The following ACADSB variants were observed in gnomAD, a reference collection of about 807,000 sequenced individuals.
The protein encoded by ACADSB is short/branched chain specific acyl-CoA dehydrogenase, mitochondrial.
In ACADSB, 40 loss-of-function variants were observed where a neutral mutation model predicts 54.1. The ratio of observed to expected loss-of-function variants is 0.74; its 90% CI spans 0.57 to 0.96. The LOEUF (loss-of-function observed/expected upper bound fraction) is 0.96. ACADSB is among the 40% of genes least tolerant of loss of function. The pLI is 0.00. For synonymous variants in ACADSB, 182 were observed against 182.8 expected (o/e 1.00, Z 0.03); for missense variants, 530 against 510.4 (o/e 1.04, Z -0.37).
intron 1 of ACADSB, among the ~76,000 whole-genome samples, chr10:123,032,259 G>A (rs536191626): frequency 1.3e-5 from 2 of 152,160 alleles, no homozygotes; most frequent in South Asian, 4.2e-4. Flanking sequence ...GACTACAGGT[G>A]TGAGCCACTG....
intron 5 of ACADSB, 47 bp from the exon 6 acceptor site, chr10:123,042,999 C>G (rs775353698): frequency 1.9e-6 from 3 of 1,601,714 alleles, no homozygotes; most frequent in African/African-American, 1.3e-5. Context: ...AGAAACAAGG[C>G]GTTTTATAAA....
intron 1 of ACADSB, 64 bp from the exon 2 acceptor site, chr10:123,034,292 A>G (rs1449429304): frequency 7.8e-6 from 12 of 1,541,974 alleles, no homozygotes; most frequent in Non-Finnish European, 1.1e-5. Context: ...AATGGGTTAT[A>G]AAGTCATTCC....
At position 123,028,323 on chromosome 10, in the gene ACADSB, T is replaced by C. The variant is rs1478189652; in HGVS notation, c.43-6033T>C. Among the ~76,000 whole-genome samples, 3 of 152,324 alleles carry C rather than the reference T, an allele frequency of 2.0e-5. No homozygotes were observed. The East Asian group carries it at 5.8e-4, about 29-fold the overall frequency. On this transcript the variant is annotated intron_variant, in intron 1 of 10. Coordinates refer to ENST00000358776, the MANE Select transcript of ACADSB (RefSeq NM_001609.4). ...ATTGTTCTGTGTCATACTAAACACA[T>C]TATCTAAAACCTACTCCTAGCTTTT... is the stretch of plus-strand genomic sequence containing the variant.
chr10:123,031,224 G>A (rs1353481311), intron 1 of ACADSB, among the ~76,000 whole-genome samples: 1 of 152,190 alleles, frequency 6.6e-6, no homozygotes, highest in African/African-American at 2.4e-5. Context: ...CTGTATTTTA[G>A]TTAGAGGTTA....
At chr10:123,038,520 T>C (rs1012289693) in intron 3 of ACADSB, among the ~76,000 whole-genome samples, 4 of 152,198 alleles carry the variant, frequency 2.6e-5, no homozygotes, top group Admixed American at 2.0e-4. Context: ...TAGGGGCTTC[T>C]AGAAGAACAT....
intron 7 of ACADSB, among the ~76,000 whole-genome samples, chr10:123,045,004 T>A (rs944330483): frequency 4.7e-5 from 7 of 150,086 alleles, no homozygotes; most frequent in Non-Finnish European, 7.4e-5. Flanking sequence ...CTATTCAAAA[T>A]TTTTTTTTAC....
intron 1 of ACADSB, among the ~76,000 whole-genome samples, chr10:123,021,658 A>T (rs1321305903): frequency 1.3e-5 from 2 of 152,192 alleles, no homozygotes; most frequent in African/African-American, 4.8e-5. Flanking sequence ...CAAAACGTGC[A>T]GTAGTTGTAA....
At chr10:123,039,793 C>A (rs1011960839) in intron 3 of ACADSB, among the ~76,000 whole-genome samples, 1 of 152,164 alleles carries the variant, frequency 6.6e-6, no homozygotes, top group African/African-American at 2.4e-5. Flanking sequence ...AAAACCCCAC[C>A]TACCTGCTTT....
At chr10:123,053,223 T>A (rs1235962178) in intron 10 of ACADSB, 63 bp downstream of exon 10, 1 of 1,360,066 alleles carries the variant, frequency 7.4e-7, no homozygotes, top group Admixed American at 1.8e-5. Context: ...GTATTTTGGC[T>A]GTTTTATTTG....
chr10:123,041,525 T>C (rs1752811928), intron 5 of ACADSB, 146 bp downstream of exon 5: 1 of 791,386 alleles, frequency 1.3e-6, no homozygotes, highest in African/African-American at 1.8e-5. Flanking sequence ...TGAGCTGGCA[T>C]TTTTTCACTT....
At chr10:123,046,756 C>A (rs901147590) in intron 7 of ACADSB, among the ~76,000 whole-genome samples, 1 of 152,150 alleles carries the variant, frequency 6.6e-6, no homozygotes, top group African/African-American at 2.4e-5. Flanking sequence ...ACAAAATAGA[C>A]GGAAAGGTAG....
intron 1 of ACADSB, among the ~76,000 whole-genome samples, chr10:123,017,427 C>T (rs904386899): frequency 6.6e-6 from 1 of 152,206 alleles, no homozygotes; most frequent in East Asian, 1.9e-4. Context: ...AAGTGATTCT[C>T]CTGCCTCAGC....
intron 2 of ACADSB, among the ~76,000 whole-genome samples, chr10:123,034,851 C>T (rs753423747): frequency 2.0e-5 from 3 of 152,202 alleles, no homozygotes; most frequent in Non-Finnish European, 4.4e-5. Context: ...TTCTTGCCAC[C>T]TTGTTACCAG....
intron 1 of ACADSB, among the ~76,000 whole-genome samples, chr10:123,012,410 T>G (rs527368628): frequency 2.7e-4 from 41 of 152,272 alleles, no homozygotes; most frequent in African/African-American, 9.6e-4. Flanking sequence ...TGGGGCCTAA[T>G]GGGAAGTGTT....
chr10:123,009,138 C>A, intron 1 of ACADSB, 67 bp downstream of exon 1: 1 of 1,503,450 alleles, frequency 6.7e-7, no homozygotes. Flanking sequence ...TCGCAGCTGG[C>A]AGAGCCTTCT....
intron 6 of ACADSB, among the ~76,000 whole-genome samples, chr10:123,043,832 C>T (rs1411432876): frequency 1.3e-5 from 2 of 152,210 alleles, no homozygotes; most frequent in Non-Finnish European, 2.9e-5. Flanking sequence ...TATTACAAAA[C>T]TAAGTATAGT....
At chr10:123,027,656 A>T (rs1042835764) in intron 1 of ACADSB, 1 of 397,080 alleles carries the variant, frequency 2.5e-6, no homozygotes, top group Non-Finnish European at 5.1e-6. Flanking sequence ...CAGTGTGAAA[A>T]TGGACTAATA....
At chr10:123,047,080 A>G in intron 7 of ACADSB, 129 bp from the exon 8 acceptor site, 1 of 762,338 alleles carries the variant, frequency 1.3e-6, no homozygotes, top group Non-Finnish European at 2.2e-6. Context: ...CACACACCTC[A>G]CCACCTCAGC....
At chr10:123,037,692 T>C in intron 2 of ACADSB, 55 bp from the exon 3 acceptor site, 1 of 1,261,560 alleles carries the variant, frequency 7.9e-7, no homozygotes, top group Non-Finnish European at 1.2e-6. Context: ...GTCAGCAAAC[T>C]ATTAATGTGA....
Sources: allele counts gnomAD v4.1 joint callset (sites outside exome capture counted in the v4.1 genomes callset), GRCh38; gene constraint gnomAD v4.1.1; transcripts MANE v1.5; gene names NCBI Gene and HGNC (gene_info 2026-07-23, HGNC 2026-07-21).